The following PLXNA4 variants were observed in gnomAD, a reference collection of about 807,000 sequenced individuals.
PLXNA4 encodes plexin A4, also known as plexin-A4.
A neutral mutation model predicts 191.8 loss-of-function variants in PLXNA4; 44 were observed. The observed-to-expected ratio is 0.23, with a 90% CI of 0.18 to 0.29. PLXNA4 has a LOEUF of 0.29. PLXNA4 is among the 10% of genes least tolerant of loss of function. The pLI is 1.00. For synonymous variants in PLXNA4, 1,082 were observed against 1,009.5 expected (o/e 1.07, Z -1.36); for missense variants, 1,800 against 2,488.8 (o/e 0.72, Z 5.89).
chr7:132,450,400 C>A (rs924742974), intron 3 of PLXNA4, among the ~76,000 whole-genome samples: 1 of 152,176 alleles, frequency 6.6e-6, no homozygotes, highest in Non-Finnish European at 1.5e-5. Context: ...AGGCGGGACA[C>A]GTGATTAGCT....
intron 22 of PLXNA4, 72 bp downstream of exon 22, chr7:132,168,232 G>T (rs1270586538): frequency 2.8e-6 from 4 of 1,443,106 alleles, no homozygotes; most frequent in Non-Finnish European, 3.7e-6. Context: ...CTCCACCCGA[G>T]TCTCCCTGCA....
At chr7:132,250,412 G>A (rs1345244610) in intron 4 of PLXNA4, among the ~76,000 whole-genome samples, 2 of 152,216 alleles carry the variant, frequency 1.3e-5, no homozygotes, top group African/African-American at 4.8e-5. Flanking sequence ...ACTTGTACGT[G>A]TTCCAAGAAT....
chr7:132,563,720 TCC>T, intron 1 of PLXNA4, among the ~76,000 whole-genome samples: 1 of 113,888 alleles, frequency 8.8e-6, no homozygotes, highest in Non-Finnish European at 1.8e-5. Flanking sequence ...CTTCTCCTCC[TCC>T]TCTTCCTCTT....
chr7:132,304,751 C>T (rs947790015), intron 3 of PLXNA4, among the ~76,000 whole-genome samples: 1 of 152,146 alleles, frequency 6.6e-6, no homozygotes, highest in African/African-American at 2.4e-5. Flanking sequence ...GAGGCATGCT[C>T]CATTGAGATT....
In PLXNA4 at chr7:132,540,743, G is replaced by T. The variant is rs547858026; in HGVS notation, c.-86-31964C>A. Among the ~76,000 whole-genome samples, 8 of 149,602 alleles carry T rather than the reference G, an allele frequency of 5.3e-5. No individual in the cohort carries two copies. In the East Asian group the frequency reaches 1.4e-3, roughly 26 times the overall value. On this transcript the variant is annotated intron_variant, in intron 1 of 31. Coordinates refer to ENST00000321063, the MANE Select transcript of PLXNA4 (RefSeq NM_020911.2). ...GCTGGGACTACAGGCGCCCGCCACC[G>T]CGCCCGGCTAATTTTTTGTATTTTT... is the stretch of plus-strand genomic sequence containing the variant.
chr7:132,346,017 T>G (rs1238058805), intron 3 of PLXNA4, among the ~76,000 whole-genome samples: 3 of 152,224 alleles, frequency 2.0e-5, no homozygotes, highest in African/African-American at 7.2e-5. Flanking sequence ...CCAGAGCTGG[T>G]ACAGCAGGCT....
chr7:132,507,250 G>A (rs114485652), intron 2 of PLXNA4, among the ~76,000 whole-genome samples: 1 of 152,134 alleles, frequency 6.6e-6, no homozygotes, highest in Non-Finnish European at 1.5e-5. Context: ...CATAACTAGT[G>A]AGCCAATATG....
intron 21 of PLXNA4, among the ~76,000 whole-genome samples, chr7:132,174,197 G>A (rs1796381920): frequency 6.6e-6 from 1 of 152,048 alleles, no homozygotes; most frequent in Non-Finnish European, 1.5e-5. Context: ...GCCCTTTCAG[G>A]ACAAAGTATA....
intron 4 of PLXNA4, among the ~76,000 whole-genome samples, chr7:132,282,001 C>A (rs1474487615): frequency 2.0e-5 from 3 of 152,094 alleles, no homozygotes; most frequent in Non-Finnish European, 4.4e-5. Context: ...AGTGAGGATG[C>A]CAGTGTCAAG....
At chr7:132,239,948 A>G (rs991858306) in intron 5 of PLXNA4, among the ~76,000 whole-genome samples, 1 of 152,168 alleles carries the variant, frequency 6.6e-6, no homozygotes, top group African/African-American at 2.4e-5. Flanking sequence ...TCAAGGACTC[A>G]CTATGCCTGA....
intron 2 of PLXNA4, among the ~76,000 whole-genome samples, chr7:132,620,091 C>T (rs377235042): frequency 3.9e-5 from 6 of 152,186 alleles, no homozygotes; most frequent in African/African-American, 7.2e-5. Context: ...CGTGAGCCAC[C>T]GCGCCTGGCC....
intron 4 of PLXNA4, among the ~76,000 whole-genome samples, chr7:132,271,480 C>G (rs1400880447): frequency 1.3e-5 from 2 of 151,710 alleles, no homozygotes; most frequent in Middle Eastern, 3.5e-3. Flanking sequence ...CTCCCTCCAC[C>G]CCAGTGGTTA....
chr7:132,501,095 C>CGTGT (rs34783634), intron 2 of PLXNA4, among the ~76,000 whole-genome samples: 1 of 151,582 alleles, frequency 6.6e-6, no homozygotes, highest in Non-Finnish European at 1.5e-5. Context: ...CTGCATGAGG[C>CGTGT]GTGTGTGTGT....
At chr7:132,617,494 G>C (rs1047348916) in intron 2 of PLXNA4, among the ~76,000 whole-genome samples, 2 of 152,130 alleles carry the variant, frequency 1.3e-5, no homozygotes, top group African/African-American at 4.8e-5. Flanking sequence ...TCTTCCTAAT[G>C]GTAAGGAGTT....
At chr7:132,191,772 A>ATCTCTCTCTCTC (rs145828587) in intron 14 of PLXNA4, among the ~76,000 whole-genome samples, 31,618 of 142,438 alleles carry the variant, frequency 0.22, 3,830 homozygotes, top group South Asian at 0.36. Context: ...TCCTCTCTCC[A>ATCTCTCTCTCTC]TCTCTCTCTC....
intron 25 of PLXNA4, among the ~76,000 whole-genome samples, chr7:132,152,111 A>G (rs1193036861): frequency 1.3e-5 from 2 of 152,188 alleles, no homozygotes; most frequent in Non-Finnish European, 2.9e-5. Flanking sequence ...GCGCTCTTGC[A>G]CGACTTCCTG....
intron 3 of PLXNA4, among the ~76,000 whole-genome samples, chr7:132,331,164 C>T (rs563754235): frequency 2.6e-5 from 4 of 152,192 alleles, no homozygotes; most frequent in Non-Finnish European, 5.9e-5. Context: ...ATTAATACAA[C>T]CACAAATTAA....
At position 132,397,423 on chromosome 7, in the gene PLXNA4, G is replaced by A. The variant is rs528070519; in HGVS notation, c.1371+91869C>T. Among the ~76,000 whole-genome samples the A allele has an allele frequency of 5.5e-4, 84 of 152,342 alleles. No homozygotes were observed. In the Middle Eastern group the frequency reaches 0.01, roughly 19 times the overall value. On this transcript the variant is annotated intron_variant, in intron 3 of 31. Coordinates refer to ENST00000321063, the MANE Select transcript of PLXNA4 (RefSeq NM_020911.2). Reference sequence around the variant, plus strand: ...CAGAAGGAGAGAAACAGACACAAGGGCAAGTGGAGAGCAGGTAGTAGGAAG... The same window carrying A: ...CAGAAGGAGAGAAACAGACACAAGGACAAGTGGAGAGCAGGTAGTAGGAAG...
chr7:132,340,839 G>A (rs1803000701), intron 3 of PLXNA4, among the ~76,000 whole-genome samples: 1 of 152,088 alleles, frequency 6.6e-6, no homozygotes, highest in South Asian at 2.1e-4. Context: ...CACCACGCCT[G>A]GCTAATTTTT....
Sources: allele counts gnomAD v4.1 joint callset (sites outside exome capture counted in the v4.1 genomes callset), GRCh38; gene constraint gnomAD v4.1.1; transcripts MANE v1.5; gene names NCBI Gene and HGNC (gene_info 2026-07-23, HGNC 2026-07-21).